The following NRXN1 variants were observed in gnomAD, a reference collection of about 807,000 sequenced individuals.
The protein encoded by NRXN1 is neurexin-1.
NRXN1 carries 39 observed loss-of-function variants against 150.9 expected under a neutral mutation model. That is an observed-to-expected ratio of 0.26 (90% confidence interval 0.20 to 0.34). The LOEUF (loss-of-function observed/expected upper bound fraction) is 0.34. NRXN1 is among the 10% of genes least tolerant of loss of function. The pLI is 1.00. For missense variants in NRXN1, 1,815 were observed against 1,949.9 expected, an observed-to-expected ratio of 0.93 and a Z score of 1.30; for synonymous variants, 924 against 757.0, an observed-to-expected ratio of 1.22 and a Z score of -3.62.
intron 5 of NRXN1, among the ~76,000 whole-genome samples, chr2:50,707,843 A>G (rs1442822954): frequency 6.6e-6 from 1 of 152,186 alleles, no homozygotes; most frequent in Non-Finnish European, 1.5e-5. Context: ...AGATCCTAGA[A>G]GATCTTACAG....
chr2:50,504,387 T>C (rs1355300293), intron 13 of NRXN1, among the ~76,000 whole-genome samples: 1 of 152,120 alleles, frequency 6.6e-6, no homozygotes, highest in Non-Finnish European at 1.5e-5. Flanking sequence ...GGACACTGTG[T>C]ATGTAACTTA....
At chr2:50,271,271 T>G (rs1179821955) in intron 17 of NRXN1, among the ~76,000 whole-genome samples, 3 of 152,166 alleles carry the variant, frequency 2.0e-5, no homozygotes, top group Non-Finnish European at 2.9e-5. Context: ...TATCATGATT[T>G]AAAGAGGACA....
chr2:50,548,975 T>C (rs1260425444), intron 9 of NRXN1, among the ~76,000 whole-genome samples: 1 of 152,154 alleles, frequency 6.6e-6, no homozygotes, highest in Non-Finnish European at 1.5e-5. Context: ...AATCAACAGA[T>C]ATGGCCTCAT....
chr2:50,486,319 C>T (rs76698602), intron 15 of NRXN1, among the ~76,000 whole-genome samples: 1 of 152,210 alleles, frequency 6.6e-6, no homozygotes. Flanking sequence ...ACAGAGAATA[C>T]AGACAGACCC....
chr2:50,835,133 T>C (rs916077106), intron 5 of NRXN1, among the ~76,000 whole-genome samples: 5 of 152,180 alleles, frequency 3.3e-5, no homozygotes, highest in African/African-American at 1.2e-4. Flanking sequence ...TTCTACCTCG[T>C]AGGTTCACCT....
intron 17 of NRXN1, among the ~76,000 whole-genome samples, chr2:50,241,073 TA>T (rs1381641293): frequency 6.6e-6 from 1 of 151,672 alleles, no homozygotes; most frequent in Non-Finnish European, 1.5e-5. Context: ...GACTTTTATG[TA>T]AACTCATTAT....
chr2:50,837,411 A>T (rs1672268824), intron 5 of NRXN1, among the ~76,000 whole-genome samples: 1 of 152,154 alleles, frequency 6.6e-6, no homozygotes, highest in African/African-American at 2.4e-5. Flanking sequence ...AGAATGGGTT[A>T]GAATCCAGGC....
At chr2:50,491,272 A>T (rs548390599) in intron 15 of NRXN1, among the ~76,000 whole-genome samples, 1 of 152,330 alleles carries the variant, frequency 6.6e-6, no homozygotes, top group South Asian at 2.1e-4. Context: ...TGGAGGGGAT[A>T]TGTGTTATAT....
At chr2:50,524,290 C>T (rs368228877) in intron 12 of NRXN1, among the ~76,000 whole-genome samples, 164 of 152,038 alleles carry the variant, frequency 1.1e-3, no homozygotes, top group African/African-American at 3.9e-3. Context: ...ACGAGCCCGG[C>T]CAACATGGCA....
chr2:50,107,192 C>T (rs1216647060), intron 18 of NRXN1, among the ~76,000 whole-genome samples: 1 of 150,966 alleles, frequency 6.6e-6, no homozygotes, highest in East Asian at 2.0e-4. Context: ...TTATCTATTT[C>T]TGAGCATATC....
intron 8 of NRXN1, among the ~76,000 whole-genome samples, chr2:50,603,810 C>T (rs1469017265): frequency 1.3e-5 from 2 of 152,146 alleles, no homozygotes; most frequent in Admixed American, 6.5e-5. Flanking sequence ...GAATAAAATG[C>T]ATTGCGTTGC....
At chr2:50,922,325 G>A (rs1558426343) in intron 4 of NRXN1, among the ~76,000 whole-genome samples, 1 of 151,794 alleles carries the variant, frequency 6.6e-6, no homozygotes, top group Non-Finnish European at 1.5e-5. Context: ...AGCAACTTCT[G>A]ATGGTTCTCG....
rs747246111 is a variant in NRXN1, at chr2:50,278,317, T to TAA, written c.3365-41348_3365-41347insTT. Reference sequence around the variant, plus strand: ...ATATAATATATATTTTATATATATATTATATATATATATATTTAGTAGAGA... The same window carrying TAA: ...ATATAATATATATTTTATATATATATAATATATATATATATATTTAGTAGAGA... On this transcript the variant is annotated intron_variant, in intron 17 of 22. Coordinates refer to ENST00000401669, the MANE Select transcript of NRXN1 (RefSeq NM_001330078.2). 1.9e-4 allele frequency among the ~76,000 whole-genome samples: 24 copies of TAA among 124,088 alleles called. 1 individual carries two copies. Among genetic ancestry groups the TAA allele is most frequent in the African/African-American group, 6.9e-4 (22 of 31,808 alleles). 81.4% of individuals were successfully genotyped at this position (124,088 alleles called of 152,430 possible).
intron 18 of NRXN1, among the ~76,000 whole-genome samples, chr2:50,175,382 A>T (rs1574325869): frequency 6.6e-6 from 1 of 152,216 alleles, no homozygotes; most frequent in Non-Finnish European, 1.5e-5. Flanking sequence ...ATTCATGTAA[A>T]GAGAATTTGG....
chr2:50,493,216 C>T (rs2091361313), intron 15 of NRXN1, among the ~76,000 whole-genome samples: 1 of 152,166 alleles, frequency 6.6e-6, no homozygotes, highest in Non-Finnish European at 1.5e-5. Flanking sequence ...GAAAATACTG[C>T]TGTCCATGTC....
chr2:50,171,783 G>C (rs944900852), intron 18 of NRXN1, among the ~76,000 whole-genome samples: 11 of 152,280 alleles, frequency 7.2e-5, no homozygotes, highest in Admixed American at 5.9e-4. Context: ...TAGATTAGCA[G>C]GGTTACTGAC....
intron 2 of NRXN1, chr2:51,026,353 T>TGCTTTGACCCATAAGCTA: frequency 6.5e-7 from 1 of 1,528,982 alleles, no homozygotes; most frequent in Non-Finnish European, 9.0e-7. Context: ...ATTCGTCTTT[T>TGCTTTGACCCATAAGCTA]TCACACCACT....
chr2:51,008,112 G>A (rs1319636678), intron 2 of NRXN1, among the ~76,000 whole-genome samples: 1 of 151,802 alleles, frequency 6.6e-6, no homozygotes, highest in African/African-American at 2.4e-5. Flanking sequence ...ATTGTTGCTG[G>A]CAATGTATCA....
chr2:50,517,006 G>T (rs1446047215), intron 12 of NRXN1, among the ~76,000 whole-genome samples: 3 of 152,038 alleles, frequency 2.0e-5, no homozygotes, highest in Admixed American at 2.0e-4. Context: ...TTTATTTTTT[G>T]ACCCACACAG....
Sources: gnomAD v4.1 joint callset for allele counts (sites outside exome capture counted in the v4.1 genomes callset) on GRCh38, gnomAD v4.1.1 for gene constraint, MANE v1.5 for transcripts, NCBI Gene and HGNC (gene_info 2026-07-23, HGNC 2026-07-21) for gene names.